The following METTL16 variants were observed in gnomAD, a reference collection of about 807,000 sequenced individuals.
The protein encoded by METTL16 is methyltransferase 16, RNA N6-adenosine, also known as RNA N(6)-adenosine-methyltransferase METTL16.
METTL16 carries 19 observed loss-of-function variants against 57.9 expected under a neutral mutation model. The ratio of observed to expected loss-of-function variants is 0.33; its 90% CI spans 0.23 to 0.48. The LOEUF (loss-of-function observed/expected upper bound fraction) is 0.48. Among genes scored for constraint, METTL16 ranks in the 20% least tolerant of loss-of-function variants. METTL16 has a pLI of 0.99. For synonymous variants in METTL16, 246 were observed against 255.6 expected, an observed-to-expected ratio of 0.96 and a Z score of 0.36; for missense variants, 434 against 691.5, an observed-to-expected ratio of 0.63 and a Z score of 4.18.
chr17:2,501,908 T>C (rs578030251), intron 2 of METTL16, among the ~76,000 whole-genome samples: 74 of 151,822 alleles, frequency 4.9e-4, no homozygotes, highest in Non-Finnish European at 8.4e-4. Context: ...AAGTTTTAGA[T>C]CACAAAGAGC....
chr17:2,496,386 ACTC>A (rs2067445865), intron 2 of METTL16, among the ~76,000 whole-genome samples: 1 of 151,264 alleles, frequency 6.6e-6, no homozygotes, highest in African/African-American at 2.5e-5. Flanking sequence ...GCAGCCTTGA[ACTC>A]CTGGGATCAA....
At chr17:2,495,607 A>C (rs1456543557) in intron 2 of METTL16, among the ~76,000 whole-genome samples, 1 of 149,956 alleles carries the variant, frequency 6.7e-6, no homozygotes, top group Non-Finnish European at 1.5e-5. Flanking sequence ...AGGCAGAAGA[A>C]TCCCTTGAAC....
At chr17:2,454,466 G>T (rs1043347157) in intron 6 of METTL16, among the ~76,000 whole-genome samples, 1 of 151,382 alleles carries the variant, frequency 6.6e-6, no homozygotes, top group Non-Finnish European at 1.5e-5. Context: ...CATAAATTTC[G>T]AATCTATATA....
chr17:2,463,150 C>T (rs1446077013), intron 6 of METTL16, among the ~76,000 whole-genome samples: 1 of 152,196 alleles, frequency 6.6e-6, no homozygotes, highest in Non-Finnish European at 1.5e-5. Context: ...GCTCAATGTC[C>T]TCACATCTGT....
At chr17:2,446,825 C>G (rs1049154823) in intron 6 of METTL16, among the ~76,000 whole-genome samples, 1 of 152,182 alleles carries the variant, frequency 6.6e-6, no homozygotes, top group Admixed American at 6.5e-5. Context: ...GTGAGTGATC[C>G]GCCAGCCTCG....
At chr17:2,489,697 C>A (rs2067370500) in intron 2 of METTL16, among the ~76,000 whole-genome samples, 1 of 139,596 alleles carries the variant, frequency 7.2e-6, no homozygotes, top group Admixed American at 7.5e-5. Flanking sequence ...CAAGATCACG[C>A]CACTGCACTC....
chr17:2,484,516 C>T (rs1036032402), intron 2 of METTL16, among the ~76,000 whole-genome samples: 14 of 149,958 alleles, frequency 9.3e-5, no homozygotes, highest in Non-Finnish European at 1.9e-4. Flanking sequence ...TTTTTTGAGA[C>T]GAAGTTTCGT....
chr17:2,458,889 C>T (rs1391279067), intron 6 of METTL16, among the ~76,000 whole-genome samples: 2 of 151,908 alleles, frequency 1.3e-5, no homozygotes, highest in African/African-American at 4.8e-5. Context: ...TTACTGTAGC[C>T]TCGACCTCCT....
At chr17:2,457,694 G>C (rs892807016) in intron 6 of METTL16, among the ~76,000 whole-genome samples, 1 of 148,742 alleles carries the variant, frequency 6.7e-6, no homozygotes, top group African/African-American at 2.5e-5. Context: ...CTGGATGACA[G>C]AGCGAGACTC....
At chr17:2,421,160 C>T (rs1300631188) in intron 8 of METTL16, among the ~76,000 whole-genome samples, 1 of 152,120 alleles carries the variant, frequency 6.6e-6, no homozygotes, top group Non-Finnish European at 1.5e-5. Flanking sequence ...TTGAGATCAG[C>T]CCCAGCAACA....
chr17:2,506,359 C>T (rs2067534359), intron 1 of METTL16, among the ~76,000 whole-genome samples: 1 of 151,316 alleles, frequency 6.6e-6, no homozygotes, highest in Admixed American at 6.6e-5. Flanking sequence ...TGTGCTGCTG[C>T]CATCTCGGCT....
intron 6 of METTL16, among the ~76,000 whole-genome samples, chr17:2,446,779 T>C (rs905925178): frequency 3.3e-5 from 5 of 152,122 alleles, no homozygotes; most frequent in Admixed American, 2.0e-4. Context: ...GACGGGGTTT[T>C]GCTGTGTTGG....
At position 2,462,070 on chromosome 17, in the gene METTL16, A is replaced by G. The variant is rs1217928371; in HGVS notation, c.728+2138T>C. 6.6e-5 allele frequency among the ~76,000 whole-genome samples: 10 copies of G among 152,238 alleles called. 1 individual carries two copies. The highest frequency in any genetic ancestry group is 4.6e-4 in the Admixed American group (7 of 15,276). On this transcript the variant is annotated intron_variant, in intron 6 of 9. Transcript: ENST00000263092. The stretch of plus-strand genomic sequence containing the variant: ...ACATTCACACAGCATTATTCACAAT[A>G]GCCAAAGGGTACAAGCAACCTAAGT...
chr17:2,476,467 G>A (rs2067269139), intron 3 of METTL16, among the ~76,000 whole-genome samples: 1 of 152,136 alleles, frequency 6.6e-6, no homozygotes, highest in Admixed American at 6.5e-5. Context: ...GTGGAGAACA[G>A]TGCAAAGAAA....
rs2066761498 is a variant in METTL16, at chr17:2,420,974, G to T, written c.889-70C>A. ...ATAATTAAACCTCATGCATTGTAAT[G>T]AACTCAGAGAAAATTTCCACAACTT... On this transcript the variant is annotated intron_variant, in intron 8 of 9. Transcript: ENST00000263092. The surrounding 1 kb of genome is among the most constrained non-coding windows in gnomAD (Gnocchi z 5.4). The T allele has an allele frequency of 6.6e-7, 1 of 1,521,148 alleles. No homozygotes were observed. Among genetic ancestry groups the T allele is most frequent in the South Asian group, 1.2e-5 (1 of 81,834 alleles). The allele number at this position is 1,521,148 out of a possible 1,614,324, so 94.2% of individuals were successfully genotyped here.
chr17:2,491,789 G>A (rs940805811), intron 2 of METTL16, among the ~76,000 whole-genome samples: 3 of 148,032 alleles, frequency 2.0e-5, no homozygotes, highest in African/African-American at 7.7e-5. Context: ...GCAGGAGAAT[G>A]GCATGAACCT....
intron 2 of METTL16, among the ~76,000 whole-genome samples, chr17:2,501,867 A>C (rs1208767717): frequency 1.3e-5 from 2 of 152,168 alleles, no homozygotes; most frequent in East Asian, 3.8e-4. Flanking sequence ...CAAAAAAAAA[A>C]AAAAAAGTGT....
At chr17:2,430,655 C>G (rs75260454) in intron 8 of METTL16, among the ~76,000 whole-genome samples, 1 of 151,846 alleles carries the variant, frequency 6.6e-6, no homozygotes, top group Non-Finnish European at 1.5e-5. Flanking sequence ...CCTGACCTCG[C>G]GATCCGCCGG....
chr17:2,489,654 G>A (rs776067898), intron 2 of METTL16, among the ~76,000 whole-genome samples: 1 of 147,346 alleles, frequency 6.8e-6, no homozygotes, highest in Non-Finnish European at 1.5e-5. Context: ...CAGGAGAATC[G>A]CTTGAACCTG....
Sources: allele counts gnomAD v4.1 joint callset (sites outside exome capture counted in the v4.1 genomes callset), GRCh38; gene constraint gnomAD v4.1.1; non-coding constraint Gnocchi (gnomAD v3.1); transcripts MANE v1.5; gene names NCBI Gene and HGNC (gene_info 2026-07-23, HGNC 2026-07-21).